PTPRN2: variants seen among roughly 807,000 people sequenced by gnomAD.
PTPRN2 encodes the protein protein tyrosine phosphatase receptor type N2.
In PTPRN2, 74 loss-of-function variants were observed where a neutral mutation model predicts 118.8. The observed-to-expected ratio is 0.62, with a 90% CI of 0.52 to 0.76. The LOEUF is 0.76. Among genes scored for constraint, PTPRN2 ranks in the 30% least tolerant of loss-of-function variants. PTPRN2 has a pLI of 0.00. For synonymous variants in PTPRN2, 641 were observed against 608.0 expected (o/e 1.05, Z -0.80); for missense variants, 1,481 against 1,394.4 (o/e 1.06, Z -0.99).
intron 14 of PTPRN2, among the ~76,000 whole-genome samples, chr7:157,636,372 T>C (rs896937629): frequency 6.6e-6 from 1 of 152,236 alleles, no homozygotes; most frequent in East Asian, 1.9e-4. Flanking sequence ...ATCCTTTGTG[T>C]GTTTCTCTTC....
intron 11 of PTPRN2, among the ~76,000 whole-genome samples, chr7:157,911,143 C>T (rs1294189342): frequency 5.9e-5 from 9 of 152,168 alleles, no homozygotes; most frequent in African/African-American, 1.4e-4. Flanking sequence ...GATCGGTCTC[C>T]GTGCTATCGT....
At chr7:158,567,137 A>C (rs1827716335) in intron 1 of PTPRN2, among the ~76,000 whole-genome samples, 1 of 152,222 alleles carries the variant, frequency 6.6e-6, no homozygotes, top group Non-Finnish European at 1.5e-5. Flanking sequence ...CTGTGCTTCT[A>C]ATTTAAGTAT....
chr7:157,604,130 G>A (rs1801865758), intron 15 of PTPRN2, 55 bp from the exon 16 acceptor site: 23 of 1,558,554 alleles, frequency 1.5e-5, no homozygotes, highest in East Asian at 2.2e-5. Context: ...AGCAGTGTGA[G>A]ACCCCCACTT....
rs373651772 is a variant in PTPRN2, at chr7:157,853,004, T to C, written c.1788+45669A>G. Among the ~76,000 whole-genome samples, 511 of 152,262 alleles carry C rather than the reference T, an allele frequency of 3.4e-3. 7 individuals are homozygous for C. The South Asian group carries it at 0.044, about 13-fold the overall frequency. Reference sequence around the variant, plus strand: ...GAAAAGTGTTGATTTTGGAATGTGGTTTCCCATCACTGTGTGGACCATGGG... The same window carrying C: ...GAAAAGTGTTGATTTTGGAATGTGGCTTCCCATCACTGTGTGGACCATGGG... On this transcript the variant is annotated intron_variant, in intron 12 of 22. Coordinates refer to ENST00000389418, the MANE Select transcript of PTPRN2 (RefSeq NM_002847.5).
Position 157,898,744 on chromosome 7 carries a change from G to A in PTPRN2, c.1724-7C>T. 1.3e-6 allele frequency: 2 copies of A among 1,595,658 alleles called. No individual in the cohort carries two copies. The highest frequency in any genetic ancestry group is 1.7e-6 in the Non-Finnish European group (2 of 1,163,106). On this transcript the variant is annotated splice_polypyrimidine_tract_variant and splice_region_variant and intron_variant, in intron 11 of 22. Coordinates refer to ENST00000389418, the MANE Select transcript of PTPRN2 (RefSeq NM_002847.5). ...AGTTTGTCTTTGTTGTCAACTGTTA[G>A]GAAAAATCAGAAAGCACAAGAGTCA...
intron 16 of PTPRN2, among the ~76,000 whole-genome samples, chr7:157,602,129 C>T (rs1801703111): frequency 6.6e-6 from 1 of 152,230 alleles, no homozygotes; most frequent in South Asian, 2.1e-4. Context: ...TGGGAGTCAA[C>T]CTCTGCTGGA....
chr7:157,902,977 C>A (rs1453464676), intron 11 of PTPRN2, among the ~76,000 whole-genome samples: 1 of 152,162 alleles, frequency 6.6e-6, no homozygotes, highest in African/African-American at 2.4e-5. Flanking sequence ...TGCTTAGGGG[C>A]CTGTGTTCTT....
intron 3 of PTPRN2, among the ~76,000 whole-genome samples, chr7:158,263,865 C>G (rs1397106758): frequency 2.0e-5 from 3 of 152,180 alleles, no homozygotes; most frequent in African/African-American, 7.2e-5. Context: ...ACGGCCGAGC[C>G]AGAGAGCAGC....
chr7:157,685,364 G>C (rs1797133425), intron 12 of PTPRN2, among the ~76,000 whole-genome samples: 1 of 152,004 alleles, frequency 6.6e-6, no homozygotes, highest in Non-Finnish European at 1.5e-5. Context: ...GCCCACACGC[G>C]CGCGGTGACC....
At position 158,251,904 on chromosome 7, in the gene PTPRN2, C is replaced by T. The variant is rs1387006258; in HGVS notation, c.278-46631G>A. 1.3e-5 allele frequency among the ~76,000 whole-genome samples: 2 copies of T among 152,140 alleles called. 1 individual carries two copies. The highest frequency in any genetic ancestry group is 2.9e-5 in the Non-Finnish European group (2 of 68,022). ...GTAAAACTGGACCTGTGACTTGAAG[C>T]CTCCATTCCATTGTTGGGGACACAC... On this transcript the variant is annotated intron_variant, in intron 3 of 22. Transcript: ENST00000389418.
At chr7:157,843,607 G>A (rs549848621) in intron 12 of PTPRN2, among the ~76,000 whole-genome samples, 4 of 152,324 alleles carry the variant, frequency 2.6e-5, no homozygotes, top group African/African-American at 9.6e-5. Context: ...AGAGACGGCT[G>A]GTGCAGAAAA....
At chr7:157,875,433 C>T (rs1011555444) in intron 12 of PTPRN2, among the ~76,000 whole-genome samples, 1 of 152,186 alleles carries the variant, frequency 6.6e-6, no homozygotes, top group African/African-American at 2.4e-5. Context: ...ACGTTATCTT[C>T]CTGAAGTGGC....
chr7:158,073,430 G>A (rs554943975), intron 11 of PTPRN2, among the ~76,000 whole-genome samples: 1 of 152,316 alleles, frequency 6.6e-6, no homozygotes, highest in African/African-American at 2.4e-5. Flanking sequence ...CTCCCTGCAG[G>A]CTCCAAGTGC....
intron 12 of PTPRN2, among the ~76,000 whole-genome samples, chr7:157,753,801 T>C (rs1801625588): frequency 6.6e-6 from 1 of 152,156 alleles, no homozygotes; most frequent in African/African-American, 2.4e-5. Context: ...TCTCCTGGCA[T>C]CTGCAACCGT....
intron 6 of PTPRN2, among the ~76,000 whole-genome samples, chr7:158,153,876 G>A (rs1453355708): frequency 3.0e-5 from 4 of 132,530 alleles, no homozygotes; most frequent in Admixed American, 8.4e-5. Context: ...CTGGTGGGGA[G>A]GAGGGGGCAC....
At chr7:158,223,783 A>G (rs1828543287) in intron 3 of PTPRN2, among the ~76,000 whole-genome samples, 1 of 152,262 alleles carries the variant, frequency 6.6e-6, no homozygotes, top group African/African-American at 2.4e-5. Context: ...CACCAATCTT[A>G]TTCAACATAA....
intron 3 of PTPRN2, among the ~76,000 whole-genome samples, chr7:158,261,634 G>A (rs968625345): frequency 1.3e-5 from 2 of 152,128 alleles, no homozygotes; most frequent in South Asian, 4.1e-4. Context: ...AGCACACGAA[G>A]AGGATAAAAC....
At chr7:157,592,989 G>A (rs1177056848) in intron 17 of PTPRN2, among the ~76,000 whole-genome samples, 1 of 140,030 alleles carries the variant, frequency 7.1e-6, no homozygotes, top group Non-Finnish European at 1.5e-5. Flanking sequence ...ATTGAGTGTG[G>A]ATGCCGAGAG....
intron 21 of PTPRN2, among the ~76,000 whole-genome samples, chr7:157,563,316 G>A (rs1639797): frequency 1.3e-4 from 13 of 102,200 alleles, no homozygotes; most frequent in South Asian, 3.9e-4. Context: ...ACGTGCTCCC[G>A]CATCACCACA....
Sources: gnomAD v4.1 joint callset for allele counts (sites outside exome capture counted in the v4.1 genomes callset) on GRCh38, gnomAD v4.1.1 for gene constraint, MANE v1.5 for transcripts, NCBI Gene and HGNC (gene_info 2026-07-23, HGNC 2026-07-21) for gene names.